LRTM3: variants seen among roughly 807,000 people sequenced by gnomAD.
The protein encoded by LRTM3 is leucine rich repeat transmembrane protein 3.
At chr13:102,729,402 C>T in the LRTM3 span, 9 of 1,340,900 alleles carry the variant, frequency 6.7e-6, no homozygotes, top group Non-Finnish European at 8.7e-6. Context: ...CACAGAATAT[C>T]ACAATAGCGA....
chr13:102,736,623 T>C, the LRTM3 span: 3 of 1,551,060 alleles, frequency 1.9e-6, no homozygotes, highest in Non-Finnish European at 2.6e-6. Context: ...CAAGTTTTGC[T>C]CAGAAGTACA....
chr13:102,736,756 A>G, the LRTM3 span: 14 of 1,550,702 alleles, frequency 9.0e-6, no homozygotes, highest in South Asian at 1.4e-4. Flanking sequence ...TGTACTCGGG[A>G]TGCATTACAC....
chr13:102,745,354 TTC>T, the LRTM3 span: 1 of 1,550,672 alleles, frequency 6.4e-7, no homozygotes, highest in Non-Finnish European at 8.7e-7. Flanking sequence ...TGAGTCTTTT[TTC>T]TCTTAGCGTG....
chr13:102,746,272 C>T, the LRTM3 span: 6 of 1,550,900 alleles, frequency 3.9e-6, no homozygotes, highest in East Asian at 2.4e-5. Context: ...TCAGCTGTGG[C>T]GCTGCTTCTA....
the LRTM3 span, chr13:102,731,275 A>G: frequency 6.4e-7 from 1 of 1,551,378 alleles, no homozygotes. Flanking sequence ...CTATGGTATC[A>G]GTCCCTTCTA....
the LRTM3 span, chr13:102,742,578 T>C: frequency 6.4e-7 from 1 of 1,550,628 alleles, no homozygotes; most frequent in Non-Finnish European, 8.7e-7. Context: ...TCTTGATCTA[T>C]TAAATCAACT....
chr13:102,741,699 C>T, the LRTM3 span: 1 of 1,550,358 alleles, frequency 6.5e-7, no homozygotes, highest in Non-Finnish European at 8.7e-7. Context: ...ATATTCTGTC[C>T]TTTTGAGTTT....
the LRTM3 span, chr13:102,732,553 T>C: frequency 2.6e-6 from 4 of 1,551,214 alleles, no homozygotes; most frequent in South Asian, 3.6e-5. Context: ...GAATGCTTTG[T>C]TTTGCATTAG....
the LRTM3 span, chr13:102,749,897 C>T: frequency 6.4e-7 from 1 of 1,551,442 alleles, no homozygotes; most frequent in Non-Finnish European, 8.7e-7. Context: ...AGTAGTTCTG[C>T]TCCCTAACTT....
the LRTM3 span, chr13:102,742,698 G>A: frequency 6.4e-7 from 1 of 1,550,686 alleles, no homozygotes; most frequent in African/African-American, 1.4e-5. Flanking sequence ...TGCTTTGCCT[G>A]CAAAGGTCTA....
the LRTM3 span, chr13:102,729,655 G>A: frequency 6.4e-7 from 1 of 1,550,466 alleles, no homozygotes; most frequent in East Asian, 2.4e-5. Flanking sequence ...CAAAAAAAAA[G>A]GGCCGGTTTT....
chr13:102,734,282 T>C, the LRTM3 span: 11 of 1,551,430 alleles, frequency 7.1e-6, no homozygotes, highest in East Asian at 2.7e-4. Flanking sequence ...ATCTGCTGTT[T>C]TCTCTGTATC....
At chr13:102,733,098 C>T in the LRTM3 span, 1 of 1,551,430 alleles carries the variant, frequency 6.4e-7, no homozygotes, top group Admixed American at 2.0e-5. Flanking sequence ...ACATCTGTTT[C>T]CGATGGTGTC....
the LRTM3 span, chr13:102,744,804 T>A: frequency 6.4e-6 from 10 of 1,550,710 alleles, no homozygotes; most frequent in Non-Finnish European, 2.6e-6. Flanking sequence ...TCAGTCAAAT[T>A]GGCCTTCTGT....
the LRTM3 span, chr13:102,735,244 C>G: frequency 1.3e-6 from 2 of 1,551,306 alleles, no homozygotes; most frequent in Non-Finnish European, 1.7e-6. Flanking sequence ...GTACACTGGT[C>G]ATATCCGCAA....
chr13:102,753,305 A>C, the LRTM3 span, among the ~76,000 whole-genome samples: 1 of 152,212 alleles, frequency 6.6e-6, no homozygotes, highest in East Asian at 1.9e-4. Flanking sequence ...GGAACATCAC[A>C]CACTGGGTCC....
chr13:102,741,820 T>A, the LRTM3 span: 2 of 1,547,534 alleles, frequency 1.3e-6, no homozygotes, highest in Non-Finnish European at 1.7e-6. Context: ...GGAATTCAAG[T>A]TCTTCATCTG....
At chr13:102,737,091 G>A in the LRTM3 span, 11 of 1,550,994 alleles carry the variant, frequency 7.1e-6, no homozygotes, top group African/African-American at 1.5e-4. Context: ...CTGCTGCCAG[G>A]GATATTGAGT....
At chr13:102,750,086 T>C in the LRTM3 span, 1 of 1,550,874 alleles carries the variant, frequency 6.4e-7, no homozygotes, top group Non-Finnish European at 8.7e-7. Flanking sequence ...TTTGTTTTTG[T>C]TGGTTTTCAT....
Sources: allele counts gnomAD v4.1 joint callset (sites outside exome capture counted in the v4.1 genomes callset), GRCh38; gene constraint gnomAD v4.1.1; transcripts MANE v1.5; gene names NCBI Gene and HGNC (gene_info 2026-07-23, HGNC 2026-07-21).